The following ELOVL7 variants were observed in gnomAD, a reference collection of about 807,000 sequenced individuals.
ELOVL7 encodes the protein very long chain fatty acid elongase 7.
A neutral mutation model predicts 35.7 loss-of-function variants in ELOVL7; 27 were observed. The ratio of observed to expected loss-of-function variants is 0.76; its 90% confidence interval spans 0.56 to 1.04. ELOVL7 has a LOEUF of 1.04. ELOVL7 is among the 50% of genes least tolerant of loss of function. The pLI is 0.00. For synonymous variants in ELOVL7, 113 were observed against 114.6 expected, an observed-to-expected ratio of 0.99 and a Z score of 0.09; for missense variants, 327 against 340.8, an observed-to-expected ratio of 0.96 and a Z score of 0.32.
intron 3 of ELOVL7, among the ~76,000 whole-genome samples, chr5:60,775,636 G>A (rs1457217081): frequency 1.3e-5 from 2 of 151,976 alleles, no homozygotes; most frequent in African/African-American, 2.4e-5. Flanking sequence ...TAGACACATC[G>A]GCCAATGGAA....
chr5:60,777,714 A>G (rs1473012118), intron 3 of ELOVL7, among the ~76,000 whole-genome samples: 1 of 152,186 alleles, frequency 6.6e-6, no homozygotes, highest in African/African-American at 2.4e-5. Flanking sequence ...CTCAGCATTC[A>G]CAGAAGGAAT....
At chr5:60,789,789 G>A (rs570494942) in intron 2 of ELOVL7, among the ~76,000 whole-genome samples, 126 of 152,132 alleles carry the variant, frequency 8.3e-4, no homozygotes, top group Non-Finnish European at 1.7e-3. Context: ...AAATAAGAAT[G>A]AAGAACCTCT....
chr5:60,822,943 T>C (rs1451123205), intron 1 of ELOVL7, among the ~76,000 whole-genome samples: 2 of 152,072 alleles, frequency 1.3e-5, no homozygotes, highest in African/African-American at 4.8e-5. Flanking sequence ...CCTCTGTGAC[T>C]GGAAGGAAGA....
intron 1 of ELOVL7, among the ~76,000 whole-genome samples, chr5:60,806,191 G>A (rs558043954): frequency 4.6e-5 from 7 of 152,274 alleles, no homozygotes; most frequent in African/African-American, 1.4e-4. Context: ...AGCCCTCAGA[G>A]AGAACCAACC....
chr5:60,837,467 G>C (rs1746894878), intron 1 of ELOVL7, among the ~76,000 whole-genome samples: 1 of 151,996 alleles, frequency 6.6e-6, no homozygotes, highest in African/African-American at 2.4e-5. Flanking sequence ...AAAAAAAAGA[G>C]AGATTCATTG....
At chr5:60,841,930 C>T (rs991526292) in intron 1 of ELOVL7, among the ~76,000 whole-genome samples, 3 of 152,158 alleles carry the variant, frequency 2.0e-5, no homozygotes, top group African/African-American at 7.2e-5. Context: ...AGCTCCTACA[C>T]GTTTACCAAT....
chr5:60,797,860 T>C (rs1269616690), intron 2 of ELOVL7, among the ~76,000 whole-genome samples: 3 of 152,240 alleles, frequency 2.0e-5, no homozygotes, highest in African/African-American at 7.2e-5. Flanking sequence ...AGGGCAAACC[T>C]GCCCCCAATT....
At chr5:60,797,846 G>C (rs1744357937) in intron 2 of ELOVL7, among the ~76,000 whole-genome samples, 2 of 152,222 alleles carry the variant, frequency 1.3e-5, no homozygotes, top group Admixed American at 6.5e-5. Context: ...GCTGGGAACT[G>C]CTTAGGGCAA....
At chr5:60,772,689 C>T (rs946130239) in intron 3 of ELOVL7, among the ~76,000 whole-genome samples, 34 of 152,116 alleles carry the variant, frequency 2.2e-4, no homozygotes, top group African/African-American at 7.0e-4. Context: ...AGAAAGCATA[C>T]GGCAGGGGAG....
rs536481889 is a variant in ELOVL7 at position 60,764,208 on chromosome 5, C to T, written c.499+19G>A. ...GAAATGTTGTTTATAACACATGATC[C>T]CAAATTTCCCTTGTCTACCTGCAGC... is the stretch of plus-strand genomic sequence containing the variant. On this transcript the variant is annotated intron_variant, in intron 7 of 8. Transcript: ENST00000508821. 103 of 1,547,790 alleles carry T rather than the reference C, an allele frequency of 6.7e-5. No homozygotes were observed. In the South Asian group the frequency reaches 1.1e-3, roughly 17 times the overall value.
intron 1 of ELOVL7, among the ~76,000 whole-genome samples, chr5:60,837,485 T>A (rs1325186740): frequency 6.6e-6 from 1 of 152,096 alleles, no homozygotes; most frequent in Non-Finnish European, 1.5e-5. Flanking sequence ...TTGCAACTAT[T>A]ACTTATGCCT....
chr5:60,797,698 CTTTAGGCAGCCAGTGAAAG>C (rs1051426542), intron 2 of ELOVL7, among the ~76,000 whole-genome samples: 3 of 152,194 alleles, frequency 2.0e-5, no homozygotes, highest in African/African-American at 4.8e-5. Context: ...GCCAATGGGA[CTTTAGGCAGCCAGTGAAAG>C]TTTCTTTTGC....
At position 60,771,900 on chromosome 5, in the gene ELOVL7, T is replaced by C; in HGVS notation, c.255+3A>G. 6.3e-7 allele frequency: 1 copy of C among 1,581,854 alleles called. No homozygotes were observed. The highest frequency in any genetic ancestry group is 8.6e-7 in the Non-Finnish European group (1 of 1,161,232). ...TCCCATTAGGAATACTGAAGACACT[T>C]GCCTCATAACACATATACACAGAAA... On this transcript the variant is annotated splice_donor_region_variant and intron_variant, in intron 4 of 8. Coordinates refer to ENST00000508821, the MANE Select transcript of ELOVL7 (RefSeq NM_024930.3).
intron 1 of ELOVL7, among the ~76,000 whole-genome samples, chr5:60,810,507 C>A (rs940113399): frequency 1.7e-4 from 26 of 152,136 alleles, no homozygotes; most frequent in African/African-American, 6.3e-4. Flanking sequence ...ATAGATTTGC[C>A]CATTACCTAT....
chr5:60,804,989 T>G (rs1360285423), intron 1 of ELOVL7, among the ~76,000 whole-genome samples: 1 of 152,220 alleles, frequency 6.6e-6, no homozygotes, highest in Non-Finnish European at 1.5e-5. Context: ...CGAAGCAGAA[T>G]GCAGGGGCAT....
intron 1 of ELOVL7, among the ~76,000 whole-genome samples, chr5:60,837,319 G>GGGT (rs1746873356): frequency 7.9e-6 from 1 of 126,580 alleles, no homozygotes; most frequent in African/African-American, 2.9e-5. Context: ...GGGGGGTGGG[G>GGGT]GGGGAGTGGG....
Position 60,757,467 on chromosome 5 carries a change from T to C in ELOVL7, c.636+42A>G, listed in dbSNP as rs749325137. ...AATTCACAGTGAAAACAAGTGACTC[T>C]AGCTGCTTCATATATGGTTTTAAAG... On this transcript the variant is annotated intron_variant, in intron 8 of 8. Coordinates refer to ENST00000508821, the MANE Select transcript of ELOVL7 (RefSeq NM_024930.3). 6.3e-6 allele frequency: 10 copies of C among 1,598,086 alleles called. No individual in the cohort carries two copies. The South Asian group carries it at 1.1e-4, about 18-fold the overall frequency.
rs116493872 is a variant in ELOVL7, at chr5:60,840,700, C to T, written c.-86+3460G>A. The stretch of plus-strand genomic sequence containing the variant: ...AATGCATTGATCCTCTTTTTAAAAT[C>T]GCTTTTAGAAATCTGACAGCATGTA... On this transcript the variant is annotated intron_variant, in intron 1 of 8. Coordinates refer to ENST00000508821, the MANE Select transcript of ELOVL7 (RefSeq NM_024930.3). Among the ~76,000 whole-genome samples, 402 of 152,208 alleles carry T rather than the reference C, an allele frequency of 2.6e-3. 1 individual carries two copies. Among genetic ancestry groups the T allele is most frequent in the African/African-American group, 9.3e-3 (388 of 41,534 alleles).
In ELOVL7 at chr5:60,842,233, T is replaced by C. The variant is rs573051215; in HGVS notation, c.-86+1927A>G. 3.9e-4 allele frequency among the ~76,000 whole-genome samples: 59 copies of C among 152,126 alleles called. 2 individuals are homozygous for C. The South Asian group carries it at 8.7e-3, about 22-fold the overall frequency. The stretch of plus-strand genomic sequence containing the variant: ...GACTGATAAAGGCTAGAAGACACCA[T>C]GTAAAAATTGGATAGAAGATATTTA... On this transcript the variant is annotated intron_variant, in intron 1 of 8. Coordinates refer to ENST00000508821, the MANE Select transcript of ELOVL7 (RefSeq NM_024930.3).
Sources: allele counts gnomAD v4.1 joint callset (sites outside exome capture counted in the v4.1 genomes callset), GRCh38; gene constraint gnomAD v4.1.1; transcripts MANE v1.5; gene names NCBI Gene and HGNC (gene_info 2026-07-23, HGNC 2026-07-21).